Variants in ITPR2 observed in about 807,000 individuals in gnomAD.
The protein encoded by ITPR2 is inositol 1,4,5-trisphosphate-gated calcium channel ITPR2.
In ITPR2, 207 loss-of-function variants were observed where a neutral mutation model predicts 317.1. The ratio of observed to expected loss-of-function variants is 0.65; its 90% CI spans 0.58 to 0.73. The LOEUF (loss-of-function observed/expected upper bound fraction) is 0.73. ITPR2 is among the 30% of genes least tolerant of loss of function. The probability of loss-of-function intolerance (pLI) is 0.00; values close to 1 mark genes in which losing one functional copy is unlikely to be tolerated. For synonymous variants in ITPR2, 1,156 were observed against 1,149.1 expected (o/e 1.01, Z -0.12); for missense variants, 2,613 against 3,284.0 (o/e 0.80, Z 4.99).
chr12:26,711,359 A>C, intron 8 of ITPR2, 91 bp from the exon 9 acceptor site: 1 of 851,950 alleles, frequency 1.2e-6, no homozygotes, highest in South Asian at 1.4e-5. Context: ...CCTCCTGTTA[A>C]TACTGATCTG....
chr12:26,777,733 C>T (rs954078419), intron 2 of ITPR2, among the ~76,000 whole-genome samples: 1 of 152,176 alleles, frequency 6.6e-6, no homozygotes, highest in Non-Finnish European at 1.5e-5. Flanking sequence ...AATTTTCAGA[C>T]TTGAGCCAGT....
intron 34 of ITPR2, among the ~76,000 whole-genome samples, chr12:26,570,738 AT>A (rs1163938057): frequency 1.3e-5 from 2 of 152,244 alleles, no homozygotes; most frequent in African/African-American, 4.8e-5. Context: ...TATGGAAGTA[AT>A]TCTTGGATAC....
chr12:26,795,630 G>C (rs1950421941), intron 1 of ITPR2, among the ~76,000 whole-genome samples: 1 of 152,066 alleles, frequency 6.6e-6, no homozygotes, highest in Non-Finnish European at 1.5e-5. Flanking sequence ...ACAATATAAA[G>C]AGACAGAAGA....
In ITPR2 at chr12:26,602,467, A is replaced by G; in HGVS notation, c.3581T>C (p.Val1194Ala). 6.2e-7 allele frequency: 1 copy of G among 1,613,540 alleles called. No individual in the cohort carries two copies. Among genetic ancestry groups the G allele is most frequent in the South Asian group, 1.1e-5 (1 of 90,978 alleles). Residue 1194 changes from valine to alanine, a missense_variant, in exon 28 of 57, where the codon GTG becomes GCG. By Grantham distance (64) the Val-to-Ala change is moderately conservative. This residue lies in a region of ITPR2 where 817 missense variants were observed against 897.6 expected (regional missense o/e 0.91). Coordinates refer to ENST00000381340, the MANE Select transcript of ITPR2 (RefSeq NM_002223.4). ...EILIRLSKLC[V>A]QNKKCRNQHQ... ...TTGATTCCGACACTTTTTATTCTGC[A>G]CACAGAGTTTACTTAGCCTGATCAA...
At chr12:26,606,544 CTT>C (rs10701661) in intron 26 of ITPR2, among the ~76,000 whole-genome samples, 23 of 143,382 alleles carry the variant, frequency 1.6e-4, no homozygotes, top group Non-Finnish European at 1.8e-4. Context: ...TAGTTCCTCC[CTT>C]TTTTTTTTTT....
chr12:26,634,745 C>A (rs1418200929), intron 21 of ITPR2, among the ~76,000 whole-genome samples: 1 of 151,642 alleles, frequency 6.6e-6, no homozygotes, highest in Non-Finnish European at 1.5e-5. Context: ...ACTAGCCGGG[C>A]GTGCTTGTGG....
chr12:26,788,600 T>G (rs1420028489), intron 2 of ITPR2, among the ~76,000 whole-genome samples: 1 of 152,118 alleles, frequency 6.6e-6, no homozygotes, highest in Non-Finnish European at 1.5e-5. Flanking sequence ...GGGAAGAGTG[T>G]TTTTCCTCAG....
intron 46 of ITPR2, among the ~76,000 whole-genome samples, chr12:26,439,800 A>C (rs1228974581): frequency 6.6e-6 from 1 of 152,214 alleles, no homozygotes; most frequent in Non-Finnish European, 1.5e-5. Context: ...AGCGCTTTAT[A>C]TCATTAAAAT....
Position 26,666,050 on chromosome 12 carries a change from A to G in ITPR2, c.1411T>C (p.Phe471Leu). ...NGTITQNERR[F>L]VTKLLEDLIF... is the part of the protein sequence containing the mutation. ...AGATCTTCCAATAATTTGGTTACAAACCTATTACAAAATGAAAAGGAAATT... is the reference window on the plus strand; with the variant it reads ...AGATCTTCCAATAATTTGGTTACAAGCCTATTACAAAATGAAAAGGAAATT... The change falls in exon 14 of 57, where the codon TTT becomes CTT. Residue 471 changes from phenylalanine (F) to leucine (L), a missense_variant and splice_region_variant. Coordinates refer to ENST00000381340, the MANE Select transcript of ITPR2 (RefSeq NM_002223.4). The G allele has an allele frequency of 6.2e-7, 1 of 1,605,024 alleles. No homozygotes were observed. Among genetic ancestry groups the G allele is most frequent in the Non-Finnish European group, 8.5e-7 (1 of 1,177,428 alleles).
intron 16 of ITPR2, 23 bp downstream of exon 16, chr12:26,659,090 A>C (rs1947436805): frequency 1.3e-6 from 2 of 1,581,862 alleles, no homozygotes; most frequent in Non-Finnish European, 1.7e-6. Flanking sequence ...CTAGAAAAGA[A>C]TACCGCATGA....
intron 10 of ITPR2, among the ~76,000 whole-genome samples, chr12:26,691,192 G>A (rs1948233365): frequency 6.6e-6 from 1 of 152,112 alleles, no homozygotes; most frequent in African/African-American, 2.4e-5. Context: ...CGTGTGATAA[G>A]TATACAATTT....
chr12:26,383,437 G>A (rs1477308981), intron 55 of ITPR2, among the ~76,000 whole-genome samples: 1 of 151,884 alleles, frequency 6.6e-6, no homozygotes, highest in East Asian at 1.9e-4. Context: ...TACAGAGGGA[G>A]GAACATTCCC....
Position 26,529,971 on chromosome 12 carries a change from T to C in ITPR2, c.5073+20276A>G, listed in dbSNP as rs187861284. 1.4e-3 allele frequency among the ~76,000 whole-genome samples: 217 copies of C among 152,358 alleles called. 1 individual carries two copies. The highest frequency in any genetic ancestry group is 5.1e-3 in the African/African-American group (211 of 41,582). The stretch of plus-strand genomic sequence containing the variant: ...AGTAACTGGTTCAGCTCCTGGCACA[T>C]GGTAGGCATTTAATTAAATTTTTAT... On this transcript the variant is annotated intron_variant, in intron 37 of 56. Transcript: ENST00000381340.
At chr12:26,371,466 AACAGGTAACAACTCC>A (rs1325680263) in intron 55 of ITPR2, among the ~76,000 whole-genome samples, 6 of 152,238 alleles carry the variant, frequency 3.9e-5, no homozygotes, top group African/African-American at 1.4e-4. Context: ...GACAGTGAAA[AACAGGTAACAACTCC>A]ACAGGCAAGT....
chr12:26,503,220 C>CACACACACACACAT (rs1555143322), intron 37 of ITPR2, among the ~76,000 whole-genome samples: 1 of 151,544 alleles, frequency 6.6e-6, no homozygotes, highest in African/African-American at 2.4e-5. Context: ...CACACACACA[C>CACACACACACACAT]GGATTAAGTG....
intron 45 of ITPR2, among the ~76,000 whole-genome samples, chr12:26,454,996 C>A (rs758622289): frequency 2.0e-5 from 3 of 151,978 alleles, no homozygotes; most frequent in Admixed American, 1.3e-4. Flanking sequence ...ATACCTATTC[C>A]AAGAATGAGT....
intron 2 of ITPR2, among the ~76,000 whole-genome samples, chr12:26,768,615 G>T (rs1417878549): frequency 1.0e-4 from 13 of 130,420 alleles, no homozygotes; most frequent in Admixed American, 8.3e-5. Context: ...TTTCCTGACT[G>T]TTCCTCTAGC....
intron 2 of ITPR2, among the ~76,000 whole-genome samples, chr12:26,781,992 GTATA>G (rs1161714052): frequency 0.055 from 3,105 of 56,202 alleles, 36 homozygotes; most frequent in African/African-American, 0.075. Flanking sequence ...AAACTCCCCT[GTATA>G]TATATATATA....
chr12:26,635,048 C>G (rs950103298), intron 21 of ITPR2, among the ~76,000 whole-genome samples: 1 of 152,064 alleles, frequency 6.6e-6, no homozygotes, highest in Non-Finnish European at 1.5e-5. Flanking sequence ...ATACTGAGAG[C>G]GGTAACTGGG....
Sources: allele counts gnomAD v4.1 joint callset (sites outside exome capture counted in the v4.1 genomes callset), GRCh38; gene constraint gnomAD v4.1.1; regional missense constraint gnomAD v4.1.1; transcripts MANE v1.5; gene names NCBI Gene and HGNC (gene_info 2026-07-23, HGNC 2026-07-21).